The following EVL variants were observed in gnomAD, a reference collection of about 807,000 sequenced individuals.
The protein encoded by EVL is Enah/Vasp-like.
In EVL, 21 loss-of-function variants were observed where a neutral mutation model predicts 59.6. The ratio of observed to expected loss-of-function variants is 0.35; its 90% CI spans 0.25 to 0.51. The LOEUF is 0.51. Ranked by LOEUF, EVL falls within the 20% of genes least tolerant of loss-of-function variation. EVL has a pLI of 0.97. For synonymous variants in EVL, 198 were observed against 203.5 expected (o/e 0.97, Z 0.23); for missense variants, 462 against 546.6 (o/e 0.85, Z 1.54).
At chr14:100,047,746 T>C (rs1180066106) in intron 1 of EVL, among the ~76,000 whole-genome samples, 6 of 152,198 alleles carry the variant, frequency 3.9e-5, no homozygotes, top group African/African-American at 1.4e-4. Context: ...GATTGTGAGT[T>C]AGCCTGGTGT....
At chr14:100,105,735 G>C (rs1214853569) in intron 3 of EVL, among the ~76,000 whole-genome samples, 1 of 152,002 alleles carries the variant, frequency 6.6e-6, no homozygotes, top group Non-Finnish European at 1.5e-5. Flanking sequence ...AGGGGACGAT[G>C]GCTGTAGAAG....
At chr14:100,018,534 C>T (rs376596250) in intron 1 of EVL, among the ~76,000 whole-genome samples, 1 of 152,180 alleles carries the variant, frequency 6.6e-6, no homozygotes, top group African/African-American at 2.4e-5. Flanking sequence ...CCTTCTTCCA[C>T]CCCTTCTCTA....
Position 100,127,712 on chromosome 14 carries a change from G to A in EVL, c.488-807G>A, listed in dbSNP as rs1375577183. Among the ~76,000 whole-genome samples, 1 of 152,158 alleles carries A rather than the reference G, an allele frequency of 6.6e-6. No homozygotes were observed. Among genetic ancestry groups the A allele is most frequent in the African/African-American group, 2.4e-5 (1 of 41,434 alleles). On this transcript the variant is annotated intron_variant, in intron 5 of 13. Coordinates refer to ENST00000392920, the MANE Select transcript of EVL (RefSeq NM_016337.3). This position sits in a 1 kb window ranked among gnomAD's most constrained non-coding sequence, Gnocchi z 4.2. Reference sequence around the variant, plus strand: ...TCTCCGGTCGTGTCCCAGCTCCACAGTCACTTCCGTGAGGACGTCATGGAG... The same window carrying A: ...TCTCCGGTCGTGTCCCAGCTCCACAATCACTTCCGTGAGGACGTCATGGAG...
At chr14:100,016,096 A>G (rs1208119208) in intron 1 of EVL, among the ~76,000 whole-genome samples, 1 of 148,272 alleles carries the variant, frequency 6.7e-6, no homozygotes, top group South Asian at 2.1e-4. Context: ...AAAAAAAAAA[A>G]TTAATTATTT....
At chr14:99,997,975 GTTCC>G (rs1343455968) in intron 1 of EVL, among the ~76,000 whole-genome samples, 2 of 152,016 alleles carry the variant, frequency 1.3e-5, no homozygotes, top group Non-Finnish European at 2.9e-5. Flanking sequence ...CAATTCATTT[GTTCC>G]TTCATTCATT....
At chr14:100,001,459 T>C (rs1239647867) in intron 1 of EVL, among the ~76,000 whole-genome samples, 1 of 152,250 alleles carries the variant, frequency 6.6e-6, no homozygotes, top group African/African-American at 2.4e-5. Flanking sequence ...CCGTTTTTAC[T>C]AAAGACAAAT....
chr14:100,059,956 A>G (rs1334215839), intron 1 of EVL, among the ~76,000 whole-genome samples: 1 of 152,224 alleles, frequency 6.6e-6, no homozygotes, highest in South Asian at 2.1e-4. Context: ...ATATAGAGTC[A>G]GAAAATATGA....
intron 3 of EVL, among the ~76,000 whole-genome samples, chr14:100,112,107 A>G (rs1048656726): frequency 1.3e-5 from 2 of 152,222 alleles, no homozygotes; most frequent in Non-Finnish European, 1.5e-5. Context: ...TTCCTAAGGA[A>G]GGAGTTTTAC....
At chr14:100,028,400 C>A (rs918948589) in intron 1 of EVL, among the ~76,000 whole-genome samples, 11 of 152,076 alleles carry the variant, frequency 7.2e-5, no homozygotes, top group African/African-American at 2.7e-4. Context: ...CTATTCAGAT[C>A]TTTTGCCCAT....
Position 100,130,914 on chromosome 14 carries a change from A to G in EVL, c.839+1230A>G, listed in dbSNP as rs1283084152. 6.6e-6 allele frequency among the ~76,000 whole-genome samples: 1 copy of G among 152,236 alleles called. No individual in the cohort carries two copies. Among genetic ancestry groups the G allele is most frequent in the Non-Finnish European group, 1.5e-5 (1 of 68,036 alleles). On this transcript the variant is annotated intron_variant, in intron 7 of 13. Transcript: ENST00000392920. The surrounding 1 kb of genome is among the most constrained non-coding windows in gnomAD (Gnocchi z 4.8). ...AGCAGTTTCCTGTGAGAGTAAGTCC[A>G]GGTGTGTGGGGCTTACAGTGGCCAC...
Position 100,132,714 on chromosome 14 carries a change from C to G in EVL, c.840-5C>G. On this transcript the variant is annotated splice_region_variant and splice_polypyrimidine_tract_variant and intron_variant, in intron 7 of 13. Coordinates refer to ENST00000392920, the MANE Select transcript of EVL (RefSeq NM_016337.3). ...GATCTGTATCTTCCCCTTCTCTGTG[C>G]CTAGGAGAAAAGCAGCCTCCCAGTC... is the stretch of plus-strand genomic sequence containing the variant. The G allele has an allele frequency of 6.2e-7, 1 of 1,614,164 alleles. No homozygotes were observed. Among genetic ancestry groups the G allele is most frequent in the Non-Finnish European group, 8.5e-7 (1 of 1,180,022 alleles).
upstream of EVL, among the ~76,000 whole-genome samples, chr14:100,062,224 A>ATATATATATATATG (rs2061848559): frequency 6.0e-4 from 1 of 1,664 alleles, no homozygotes; most frequent in Non-Finnish European, 2.5e-3. Flanking sequence ...ATATATATGT[A>ATATATATATATATG]TATATATATA....
chr14:99,994,706 G>A (rs1261542343), intron 1 of EVL, among the ~76,000 whole-genome samples: 1 of 151,968 alleles, frequency 6.6e-6, no homozygotes. Flanking sequence ...AATACTATAG[G>A]ATTCTATATT....
chr14:100,070,735 G>T (rs1327868118), intron 1 of EVL, among the ~76,000 whole-genome samples: 3 of 152,162 alleles, frequency 2.0e-5, no homozygotes, highest in African/African-American at 4.8e-5. Context: ...TTCATCCTTG[G>T]AGCTGAACAT....
intron 1 of EVL, among the ~76,000 whole-genome samples, chr14:99,985,369 G>C (rs1038004567): frequency 6.6e-6 from 1 of 151,904 alleles, no homozygotes; most frequent in Non-Finnish European, 1.5e-5. Context: ...CTTCTGTTTT[G>C]GTTCTTCACC....
At chr14:100,050,419 G>T (rs991248047) in intron 1 of EVL, among the ~76,000 whole-genome samples, 1 of 150,026 alleles carries the variant, frequency 6.7e-6, no homozygotes, top group Non-Finnish European at 1.5e-5. Context: ...GCGCGATCTC[G>T]GCTCACTGCC....
chr14:100,049,809 C>T (rs1308254589), intron 1 of EVL, among the ~76,000 whole-genome samples: 1 of 152,176 alleles, frequency 6.6e-6, no homozygotes, highest in Non-Finnish European at 1.5e-5. Context: ...CTCCCCCAGC[C>T]TCTCCTCACC....
intron 3 of EVL, among the ~76,000 whole-genome samples, chr14:100,122,605 C>T (rs1423563128): frequency 6.6e-6 from 1 of 152,180 alleles, no homozygotes; most frequent in Non-Finnish European, 1.5e-5. Context: ...GCTGTGACCC[C>T]ATCCTGCGGC....
chr14:100,025,780 T>C (rs1432596594), intron 1 of EVL, among the ~76,000 whole-genome samples: 1 of 151,676 alleles, frequency 6.6e-6, no homozygotes, highest in Non-Finnish European at 1.5e-5. Flanking sequence ...AATACAAAAA[T>C]ACAAAATTAG....
Sources: gnomAD v4.1 joint callset for allele counts (sites outside exome capture counted in the v4.1 genomes callset) on GRCh38, gnomAD v4.1.1 for gene constraint, Gnocchi (gnomAD v3.1) non-coding constraint, MANE v1.5 for transcripts, NCBI Gene and HGNC (gene_info 2026-07-23, HGNC 2026-07-21) for gene names.